ECT2L: variants seen among roughly 807,000 people sequenced by gnomAD.
ECT2L encodes the protein epithelial cell-transforming sequence 2 oncogene-like.
Under a neutral mutation model 122.8 loss-of-function variants are expected in ECT2L, and 126 were observed. The ratio of observed to expected loss-of-function variants is 1.03; its 90% CI spans 0.89 to 1.19. ECT2L has a LOEUF of 1.19. Ranked by LOEUF, ECT2L falls within the 50% of genes most tolerant of loss-of-function variation. The probability of loss-of-function intolerance (pLI) is 0.00; values close to 1 mark genes in which losing one functional copy is unlikely to be tolerated. For synonymous variants in ECT2L, 385 were observed against 381.8 expected (o/e 1.01, Z -0.10); for missense variants, 1,012 against 1,064.1 (o/e 0.95, Z 0.68).
rs1423942322 is a variant in ECT2L at position 138,854,130 on chromosome 6, T to C, written c.1174T>C (p.Phe392Leu). ...ATEEEGGHVD[F>L]FVPLGASEAG... ...TGAAGAAGAAGGGGGTCACGTGGAC[T>C]TCTTCGTGCCCCTTGGAGCATCAGG... Residue 392 changes from phenylalanine (F) to leucine (L), a missense_variant, in exon 10 of 22, where the codon TTC becomes CTC. Transcript: ENST00000541398. 6.2e-7 allele frequency: 1 copy of C among 1,614,090 alleles called. No individual in the cohort carries two copies. The highest frequency in any genetic ancestry group is 8.5e-7 in the Non-Finnish European group (1 of 1,179,990).
intron 14 of ECT2L, among the ~76,000 whole-genome samples, chr6:138,880,374 T>C (rs760935442): frequency 7.2e-5 from 11 of 152,152 alleles, no homozygotes; most frequent in Non-Finnish European, 1.6e-4. Context: ...CTGATCCCAT[T>C]CATGAAGGAG....
rs746770661 is a variant in ECT2L, at chr6:138,852,329, C to CT, written c.1070-1683dup. 9.8e-3 allele frequency among the ~76,000 whole-genome samples: 1,400 copies of CT among 143,396 alleles called. 22 individuals are homozygous for CT. The highest frequency in any genetic ancestry group is 0.031 in the African/African-American group (1,210 of 39,368). The allele number at this position is 143,396 out of a possible 152,430, so 94.1% of individuals were successfully genotyped here. Reference sequence around the variant, plus strand: ...CCCTCAAAACAAACCTCAACGGTTACTTTTTTTTTTTTTTCCGGGAGAAAG... The same window carrying CT: ...CCCTCAAAACAAACCTCAACGGTTACTTTTTTTTTTTTTTTCCGGGAGAAAG... On this transcript the variant is annotated intron_variant, in intron 9 of 21. Transcript: ENST00000541398.
At chr6:138,863,373 C>T (rs999480870) in intron 11 of ECT2L, among the ~76,000 whole-genome samples, 1 of 152,076 alleles carries the variant, frequency 6.6e-6, no homozygotes, top group Non-Finnish European at 1.5e-5. Context: ...ATGCCAAGGG[C>T]CTTTTAGAAC....
At chr6:138,818,264 A>T (rs945719977) in intron 4 of ECT2L, among the ~76,000 whole-genome samples, 46 of 152,162 alleles carry the variant, frequency 3.0e-4, no homozygotes, top group African/African-American at 1.0e-3. Context: ...ACTTGTCTCC[A>T]TCAGAGCAGA....
chr6:138,838,277 T>C, intron 4 of ECT2L, 75 bp from the exon 5 acceptor site: 1 of 1,256,532 alleles, frequency 8.0e-7, no homozygotes, highest in Non-Finnish European at 1.1e-6. Context: ...GGAAGATCAA[T>C]GACCAATATT....
intron 20 of ECT2L, among the ~76,000 whole-genome samples, chr6:138,899,439 T>TTG (rs60379586): frequency 0.23 from 35,030 of 149,452 alleles, 4,577 homozygotes; most frequent in African/African-American, 0.38. Context: ...TGTACATAGA[T>TTG]TGTGTGTGTG....
intron 1 of ECT2L, among the ~76,000 whole-genome samples, chr6:138,802,055 G>A (rs925530002): frequency 6.6e-6 from 1 of 152,192 alleles, no homozygotes; most frequent in Non-Finnish European, 1.5e-5. Context: ...CATCTTGCCT[G>A]CCCGCTCTTG....
intron 1 of ECT2L, among the ~76,000 whole-genome samples, chr6:138,797,132 A>G (rs1297505312): frequency 6.6e-6 from 1 of 152,094 alleles, no homozygotes; most frequent in East Asian, 1.9e-4. Flanking sequence ...ACACGCCATT[A>G]TTTTCATTAT....
At chr6:138,894,408 G>C (rs1273455614) in intron 20 of ECT2L, among the ~76,000 whole-genome samples, 1 of 152,180 alleles carries the variant, frequency 6.6e-6, no homozygotes, top group Non-Finnish European at 1.5e-5. Context: ...CTAATTATCA[G>C]AAATTAGACT....
chr6:138,826,313 G>A (rs1776449097), intron 4 of ECT2L, among the ~76,000 whole-genome samples: 1 of 152,178 alleles, frequency 6.6e-6, no homozygotes, highest in South Asian at 2.1e-4. Flanking sequence ...AAGAATTACT[G>A]GAGAAAGCCA....
intron 8 of ECT2L, among the ~76,000 whole-genome samples, chr6:138,847,863 C>T (rs1777292438): frequency 6.6e-6 from 1 of 152,106 alleles, no homozygotes; most frequent in African/African-American, 2.4e-5. Flanking sequence ...TGTTCTCACA[C>T]TGCTATAAAA....
In ECT2L at chr6:138,889,036, A is replaced by T; in HGVS notation, c.2414+5A>T. 1 of 1,509,090 alleles carries T rather than the reference A, an allele frequency of 6.6e-7. No individual in the cohort carries two copies. Among genetic ancestry groups the T allele is most frequent in the Non-Finnish European group, 9.0e-7 (1 of 1,113,460 alleles). 93.5% of individuals were successfully genotyped at this position (1,509,090 alleles called of 1,614,324 possible). On this transcript the variant is annotated splice_donor_5th_base_variant and intron_variant, in intron 20 of 21. Transcript: ENST00000541398. ...AGAAATAAGTTTCTCTTTAAGGTAA[A>T]CAATAGTTAACTATCCTAAGGCTGT...
At chr6:138,806,000 C>T (rs1775698480) in intron 1 of ECT2L, among the ~76,000 whole-genome samples, 1 of 152,184 alleles carries the variant, frequency 6.6e-6, no homozygotes, top group Non-Finnish European at 1.5e-5. Context: ...CCACAAGTCA[C>T]AGTTGCAGCA....
intron 9 of ECT2L, among the ~76,000 whole-genome samples, chr6:138,850,909 G>C (rs1351499295): frequency 7.1e-6 from 1 of 141,440 alleles, no homozygotes; most frequent in East Asian, 2.2e-4. Context: ...GCTGAGGCAG[G>C]AGAATCGCTT....
At chr6:138,866,892 G>A (rs1230446031) in intron 12 of ECT2L, among the ~76,000 whole-genome samples, 1 of 151,846 alleles carries the variant, frequency 6.6e-6, no homozygotes, top group Non-Finnish European at 1.5e-5. Context: ...GGGCAACATG[G>A]CAAAACACTG....
chr6:138,852,572 A>C (rs572535090), intron 9 of ECT2L, among the ~76,000 whole-genome samples: 7 of 152,320 alleles, frequency 4.6e-5, no homozygotes, highest in Non-Finnish European at 1.0e-4. Flanking sequence ...CACCCGTCAA[A>C]TTGCCATCTC....
At chr6:138,874,794 G>A (rs750565650) in intron 13 of ECT2L, among the ~76,000 whole-genome samples, 2 of 152,156 alleles carry the variant, frequency 1.3e-5, no homozygotes, top group African/African-American at 2.4e-5. Context: ...CATCATCCAC[G>A]CTGGAGTGCA....
chr6:138,848,094 G>A (rs756687844), intron 8 of ECT2L, among the ~76,000 whole-genome samples: 19 of 152,076 alleles, frequency 1.2e-4, no homozygotes, highest in Non-Finnish European at 1.5e-4. Context: ...TCATGAGAAC[G>A]GCATGCGGGA....
chr6:138,860,715 T>C (rs1005175537), intron 10 of ECT2L, among the ~76,000 whole-genome samples: 1 of 151,340 alleles, frequency 6.6e-6, no homozygotes, highest in African/African-American at 2.4e-5. Context: ...CTATTTTTTT[T>C]TTTTTTTTTT....
Sources: allele counts gnomAD v4.1 joint callset (sites outside exome capture counted in the v4.1 genomes callset), GRCh38; gene constraint gnomAD v4.1.1; transcripts MANE v1.5; gene names NCBI Gene and HGNC (gene_info 2026-07-23, HGNC 2026-07-21).